Variants in E2F3 observed in about 807,000 individuals in gnomAD.
The protein encoded by E2F3 is transcription factor E2F3.
In E2F3, 11 loss-of-function variants were observed where a neutral mutation model predicts 44.4. That is an observed-to-expected ratio of 0.25 (90% confidence interval 0.16 to 0.41). The LOEUF is 0.41. Ranked by LOEUF, E2F3 falls within the 10% of genes least tolerant of loss-of-function variation. The pLI is 1.00. For synonymous variants in E2F3, 249 were observed against 253.0 expected, an observed-to-expected ratio of 0.98 and a Z score of 0.15; for missense variants, 487 against 583.6, an observed-to-expected ratio of 0.83 and a Z score of 1.70.
At chr6:20,431,503 G>C (rs1760398961) in intron 1 of E2F3, among the ~76,000 whole-genome samples, 1 of 152,118 alleles carries the variant, frequency 6.6e-6, no homozygotes, top group Non-Finnish European at 1.5e-5. Context: ...ATTGCAACCT[G>C]TGAGTCGGAG....
intron 1 of E2F3, among the ~76,000 whole-genome samples, chr6:20,411,873 T>A (rs1212709378): frequency 3.9e-5 from 6 of 152,168 alleles, no homozygotes; most frequent in Non-Finnish European, 8.8e-5. Flanking sequence ...TTACTCCTCC[T>A]CCAAACCTGT....
intron 3 of E2F3, 88 bp from the exon 4 acceptor site, chr6:20,482,674 G>C: frequency 7.2e-7 from 1 of 1,385,238 alleles, no homozygotes; most frequent in Non-Finnish European, 9.7e-7. Context: ...GACCTCCTAT[G>C]TCAAGAGGAG....
In E2F3 at chr6:20,490,577, T is replaced by G; in HGVS notation, c.*147T>G. 2.4e-6 allele frequency: 2 copies of G among 829,660 alleles called. No homozygotes were observed. The highest frequency in any genetic ancestry group is 3.4e-6 in the Non-Finnish European group (2 of 585,004). The allele number at this position is 829,660 out of a possible 1,614,324, so 51.4% of individuals were successfully genotyped here. ...ACAAACTTCAGAAGAAAGCTGACAT[T>G]TTAATGAATTTTTTAAAAAATTAAT... is the stretch of plus-strand genomic sequence containing the variant. On this transcript the variant is annotated 3_prime_UTR_variant, in exon 7 of 7. Transcript: ENST00000346618. This position sits in a 1 kb window ranked among gnomAD's most constrained non-coding sequence, Gnocchi z 4.3.
chr6:20,485,873 GTTAC>G (rs1185535817), intron 4 of E2F3, among the ~76,000 whole-genome samples: 6 of 152,164 alleles, frequency 3.9e-5, no homozygotes, highest in African/African-American at 1.4e-4. Context: ...TAATGTATTT[GTTAC>G]TTATTTATTT....
Position 20,479,934 on chromosome 6 carries a change from T to C in E2F3, c.482T>C (p.Leu161Pro). Residue 161 changes from leucine (L) to proline (P), a missense_variant, in exon 2 of 7, where the codon CTA (leucine) becomes CCA (proline). This residue lies in a region of E2F3 where 238 missense variants were observed against 236.0 expected (regional missense o/e 1.01). Coordinates refer to ENST00000346618, the MANE Select transcript of E2F3 (RefSeq NM_001949.5). ...CCCAAGGGCAAAGGAAGAGCTGCAC[T>C]ACGAAGTCCAGATAGTCCAAAAAGT... ...KTPKGKGRAA[L>P]RSPDSPKTPK... The C allele has an allele frequency of 6.2e-7, 1 of 1,611,536 alleles. No individual in the cohort carries two copies. Among genetic ancestry groups the C allele is most frequent in the South Asian group, 1.1e-5 (1 of 90,506 alleles).
intron 1 of E2F3, among the ~76,000 whole-genome samples, chr6:20,464,316 T>G (rs1164921516): frequency 6.6e-6 from 1 of 152,218 alleles, no homozygotes; most frequent in Non-Finnish European, 1.5e-5. Flanking sequence ...TATCAGACAC[T>G]GAAGAATCCA....
At chr6:20,428,371 T>C (rs1760285454) in intron 1 of E2F3, among the ~76,000 whole-genome samples, 1 of 152,132 alleles carries the variant, frequency 6.6e-6, no homozygotes, top group South Asian at 2.1e-4. Flanking sequence ...TATAGGCATA[T>C]GCCACCATGC....
At chr6:20,409,058 T>C (rs1377049121) in intron 1 of E2F3, among the ~76,000 whole-genome samples, 1 of 152,220 alleles carries the variant, frequency 6.6e-6, no homozygotes, top group African/African-American at 2.4e-5. Flanking sequence ...TCTTTGCTAG[T>C]GGCAAAGCCA....
chr6:20,426,530 A>C (rs1165442690), intron 1 of E2F3, among the ~76,000 whole-genome samples: 1 of 103,380 alleles, frequency 9.7e-6, no homozygotes, highest in Non-Finnish European at 2.1e-5. Context: ...TCACGTCTGC[A>C]GTTATGGCTG....
At chr6:20,477,160 TG>T (rs550751517) in intron 1 of E2F3, among the ~76,000 whole-genome samples, 3 of 151,982 alleles carry the variant, frequency 2.0e-5, no homozygotes, top group African/African-American at 7.2e-5. Context: ...ATTTTAGTGA[TG>T]GGGGGTCTTG....
intron 1 of E2F3, among the ~76,000 whole-genome samples, chr6:20,429,821 G>T (rs1760339415): frequency 6.6e-6 from 1 of 151,346 alleles, no homozygotes; most frequent in Admixed American, 6.6e-5. Context: ...CATTTTAATT[G>T]CTCTTTTTTA....
At chr6:20,482,163 T>C (rs146182207) in intron 3 of E2F3, among the ~76,000 whole-genome samples, 12 of 152,226 alleles carry the variant, frequency 7.9e-5, no homozygotes, top group Admixed American at 2.6e-4. Context: ...GGAATTTTGT[T>C]GACAGTTTGG....
intron 1 of E2F3, among the ~76,000 whole-genome samples, chr6:20,467,071 A>G (rs556694161): frequency 2.0e-4 from 31 of 152,082 alleles, no homozygotes; most frequent in African/African-American, 6.5e-4. Context: ...CCTACCCTTC[A>G]TCATTCTCTT....
At chr6:20,427,195 A>G (rs1246571086) in intron 1 of E2F3, among the ~76,000 whole-genome samples, 3 of 152,108 alleles carry the variant, frequency 2.0e-5, no homozygotes, top group African/African-American at 7.2e-5. Flanking sequence ...GCCTAATAGC[A>G]TTTCTTATCA....
chr6:20,457,085 CT>C (rs2127604114), intron 1 of E2F3, among the ~76,000 whole-genome samples: 1 of 151,960 alleles, frequency 6.6e-6, no homozygotes, highest in East Asian at 1.9e-4. Context: ...TCCGCACCCC[CT>C]TTGCCTACAC....
chr6:20,486,461 A>T (rs1409484184), intron 4 of E2F3, among the ~76,000 whole-genome samples: 1 of 152,046 alleles, frequency 6.6e-6, no homozygotes, highest in African/African-American at 2.4e-5. Context: ...TTTAGTAGAG[A>T]CGGGGTTTCA....
At chr6:20,451,170 G>T (rs921535264) in intron 1 of E2F3, among the ~76,000 whole-genome samples, 4 of 152,258 alleles carry the variant, frequency 2.6e-5, no homozygotes, top group African/African-American at 2.4e-5. Context: ...GAAGAATGTT[G>T]TTGGTAGTTT....
intron 1 of E2F3, among the ~76,000 whole-genome samples, chr6:20,473,533 G>GT (rs148901104): frequency 0.014 from 2,107 of 152,296 alleles, 20 homozygotes; most frequent in South Asian, 0.034. Context: ...CTAAAGGTCT[G>GT]TATCTATCAG....
At chr6:20,441,520 A>G (rs916587140) in intron 1 of E2F3, among the ~76,000 whole-genome samples, 5 of 152,072 alleles carry the variant, frequency 3.3e-5, no homozygotes, top group Admixed American at 3.3e-4. Context: ...TCCTTTGGGT[A>G]TATATCCAGA....
Sources: allele counts gnomAD v4.1 joint callset (sites outside exome capture counted in the v4.1 genomes callset), GRCh38; gene constraint gnomAD v4.1.1; regional missense constraint gnomAD v4.1.1; non-coding constraint Gnocchi (gnomAD v3.1); transcripts MANE v1.5; gene names NCBI Gene and HGNC (gene_info 2026-07-23, HGNC 2026-07-21).